CEP63: variants seen among roughly 807,000 people sequenced by gnomAD.
CEP63 encodes the protein centrosomal protein of 63 kDa.
A neutral mutation model predicts 89.1 loss-of-function variants in CEP63; 84 were observed. The ratio of observed to expected loss-of-function variants is 0.94; its 90% confidence interval spans 0.79 to 1.13. The LOEUF is 1.13. CEP63 is among the 50% of genes most tolerant of loss of function. The pLI, the probability that CEP63 is intolerant of heterozygous loss-of-function variation, is 0.00. For missense variants in CEP63, 838 were observed against 813.3 expected (o/e 1.03, Z -0.37); for synonymous variants, 267 against 272.5 (o/e 0.98, Z 0.20).
rs1364425731 is a variant in CEP63, at chr3:134,559,104, G to A, written c.1674-46G>A. On this transcript the variant is annotated intron_variant, in intron 13 of 14. Transcript: ENST00000675561. ...CTACATTTCTGTTGGAAAGAGAAAA[G>A]TTGCTACAATTTTTTATTTGTTTTG... 5.6e-6 allele frequency: 9 copies of A among 1,604,052 alleles called. No individual in the cohort carries two copies. The East Asian group carries it at 1.8e-4, about 32-fold the overall frequency.
At chr3:134,753,354 A>G in the CEP63 span, among the ~76,000 whole-genome samples, 1 of 151,750 alleles carries the variant, frequency 6.6e-6, no homozygotes, top group African/African-American at 2.4e-5. Flanking sequence ...CTCCATGGGG[A>G]TTTGTCATTG....
the CEP63 span, chr3:134,603,032 A>T: frequency 6.6e-6 from 1 of 152,442 alleles, no homozygotes; most frequent in African/African-American, 2.4e-5. Flanking sequence ...AAGAGGCAGC[A>T]GGATGCAGAA....
the CEP63 span, among the ~76,000 whole-genome samples, chr3:134,654,890 G>A: frequency 2.0e-5 from 3 of 152,110 alleles, no homozygotes; most frequent in African/African-American, 7.2e-5. Flanking sequence ...TCTCTGTGGT[G>A]CCTCTTTTTA....
chr3:134,620,454 A>G, the CEP63 span, among the ~76,000 whole-genome samples: 1 of 152,160 alleles, frequency 6.6e-6, no homozygotes, highest in Non-Finnish European at 1.5e-5. Flanking sequence ...GATAAGACAG[A>G]GGGAAGGCTG....
the CEP63 span, among the ~76,000 whole-genome samples, chr3:134,769,584 A>G: frequency 1.3e-5 from 2 of 152,248 alleles, no homozygotes; most frequent in Admixed American, 1.3e-4. Context: ...TGCCTTGTAC[A>G]TAATTGAAGT....
chr3:134,732,557 AT>A, the CEP63 span, among the ~76,000 whole-genome samples: 1 of 152,088 alleles, frequency 6.6e-6, no homozygotes. Flanking sequence ...TTTGAATGAA[AT>A]TTTTTTTAAA....
At chr3:134,647,380 C>T in the CEP63 span, 3 of 1,325,912 alleles carry the variant, frequency 2.3e-6, no homozygotes, top group Non-Finnish European at 3.2e-6. Flanking sequence ...CCAATTCTTC[C>T]AGTTATTATT....
At chr3:134,509,619 C>G (rs1944360752) in intron 3 of CEP63, among the ~76,000 whole-genome samples, 1 of 152,096 alleles carries the variant, frequency 6.6e-6, no homozygotes, top group South Asian at 2.1e-4. Context: ...AAGCAAATCC[C>G]CTACTTGTAA....
At chr3:134,725,482 A>G in the CEP63 span, among the ~76,000 whole-genome samples, 1 of 152,142 alleles carries the variant, frequency 6.6e-6, no homozygotes, top group East Asian at 1.9e-4. Flanking sequence ...CCAACCCCCA[A>G]CAAGAGCTGA....
the CEP63 span, among the ~76,000 whole-genome samples, chr3:134,616,607 G>T: frequency 6.6e-6 from 1 of 152,182 alleles, no homozygotes; most frequent in African/African-American, 2.4e-5. Flanking sequence ...TTTGCACATG[G>T]TAATCACCAT....
chr3:134,738,263 C>T, the CEP63 span, among the ~76,000 whole-genome samples: 1 of 150,778 alleles, frequency 6.6e-6, no homozygotes, highest in Non-Finnish European at 1.5e-5. Flanking sequence ...CACACACACA[C>T]ACACACACAC....
chr3:134,728,803 T>A, the CEP63 span, among the ~76,000 whole-genome samples: 3 of 152,208 alleles, frequency 2.0e-5, no homozygotes, highest in African/African-American at 7.2e-5. Flanking sequence ...ATTAACAGAT[T>A]TATCTTGGAG....
At chr3:134,530,700 C>T (rs923789103) in intron 3 of CEP63, among the ~76,000 whole-genome samples, 3 of 152,012 alleles carry the variant, frequency 2.0e-5, no homozygotes, top group African/African-American at 7.2e-5. Flanking sequence ...TAAAACTAGA[C>T]TTTTCCATTT....
the CEP63 span, among the ~76,000 whole-genome samples, chr3:134,758,153 C>T: frequency 1.3e-5 from 2 of 152,236 alleles, no homozygotes; most frequent in African/African-American, 4.8e-5. Context: ...GTAAACGGCA[C>T]AATTGCAAAC....
At chr3:134,782,426 T>A in the CEP63 span, among the ~76,000 whole-genome samples, 17 of 152,200 alleles carry the variant, frequency 1.1e-4, no homozygotes, top group African/African-American at 3.9e-4. Flanking sequence ...TTGTATTTTG[T>A]TCTCAAGAAA....
chr3:134,612,290 A>G, the CEP63 span, among the ~76,000 whole-genome samples: 1 of 152,154 alleles, frequency 6.6e-6, no homozygotes, highest in Non-Finnish European at 1.5e-5. Context: ...ACTAGATCCC[A>G]GTGTTGTGAT....
chr3:134,739,468 G>T, the CEP63 span, among the ~76,000 whole-genome samples: 2 of 152,040 alleles, frequency 1.3e-5, no homozygotes, highest in Admixed American at 6.6e-5. Flanking sequence ...AGAAATGTTC[G>T]CAGTAGCATA....
At chr3:134,570,843 G>A (rs1957982028) in intron 11 of CEP63, among the ~76,000 whole-genome samples, 1 of 152,202 alleles carries the variant, frequency 6.6e-6, no homozygotes, top group Admixed American at 6.5e-5. Context: ...AGTTCCACTT[G>A]GCTGGGAAAG....
At chr3:134,651,402 G>C in the CEP63 span, 1 of 1,090,530 alleles carries the variant, frequency 9.2e-7, no homozygotes, top group Admixed American at 4.9e-5. Flanking sequence ...CCTCCCACGA[G>C]AAGCCCCTGG....
Sources: gnomAD v4.1 joint callset for allele counts (sites outside exome capture counted in the v4.1 genomes callset) on GRCh38, gnomAD v4.1.1 for gene constraint, MANE v1.5 for transcripts, NCBI Gene and HGNC (gene_info 2026-07-23, HGNC 2026-07-21) for gene names.